Variants in CDK17 observed in about 807,000 individuals in gnomAD.
CDK17 encodes cyclin dependent kinase 17.
CDK17 carries 24 observed loss-of-function variants against 77.6 expected under a neutral mutation model. The ratio of observed to expected loss-of-function variants is 0.31; its 90% CI spans 0.22 to 0.44. CDK17 has a LOEUF of 0.44. CDK17 is among the 20% of genes least tolerant of loss of function. The probability of loss-of-function intolerance (pLI) is 1.00; values close to 1 mark genes in which losing one functional copy is unlikely to be tolerated. For missense variants in CDK17, 429 were observed against 622.5 expected (o/e 0.69, Z 3.31); for synonymous variants, 203 against 210.4 (o/e 0.96, Z 0.30).
intron 1 of CDK17, among the ~76,000 whole-genome samples, chr12:96,343,131 G>T (rs998095487): frequency 6.6e-6 from 1 of 152,182 alleles, no homozygotes; most frequent in Non-Finnish European, 1.5e-5. Context: ...GACACTTGAG[G>T]TGTAAAATGT....
intron 13 of CDK17, 135 bp from the exon 14 acceptor site, chr12:96,283,780 A>G: frequency 1.7e-6 from 1 of 572,416 alleles, no homozygotes; most frequent in Non-Finnish European, 3.0e-6. Context: ...GTCTTCAAAT[A>G]GACACAAATC....
chr12:96,351,763 T>G (rs1953316391), intron 1 of CDK17, among the ~76,000 whole-genome samples: 1 of 152,216 alleles, frequency 6.6e-6, no homozygotes, highest in Non-Finnish European at 1.5e-5. Flanking sequence ...ATGGTCAATA[T>G]TTCATTTGAG....
In CDK17 at chr12:96,300,280, T is replaced by C. The variant is rs1318000262; in HGVS notation, c.600+24A>G. 2.7e-6 allele frequency: 4 copies of C among 1,502,350 alleles called. No homozygotes were observed. In the Admixed American group the frequency reaches 5.7e-5, roughly 21 times the overall value. 93.1% of individuals were successfully genotyped at this position (1,502,350 alleles called of 1,614,324 possible). A position where few individuals can be genotyped will look rare whatever the true frequency, so the allele number is the denominator to read the frequency against. ...TGACGAATAAGAAAAAAATGTGTCTTACATTTTTGAGATATTTACTTACCT... is the reference window on the plus strand; with the variant it reads ...TGACGAATAAGAAAAAAATGTGTCTCACATTTTTGAGATATTTACTTACCT... On this transcript the variant is annotated intron_variant, in intron 6 of 16. Coordinates refer to ENST00000261211, the MANE Select transcript of CDK17 (RefSeq NM_002595.5).
At chr12:96,331,854 G>A (rs1182081581) in intron 2 of CDK17, among the ~76,000 whole-genome samples, 1 of 152,130 alleles carries the variant, frequency 6.6e-6, no homozygotes, top group Non-Finnish European at 1.5e-5. Flanking sequence ...TCATGCCTGT[G>A]ACTAATCAAG....
rs1377951442 is a variant in CDK17 at position 96,296,290 on chromosome 12, C to CA, written c.873+979dup. On this transcript the variant is annotated intron_variant, in intron 9 of 16. Coordinates refer to ENST00000261211, the MANE Select transcript of CDK17 (RefSeq NM_002595.5). ...AAAGCAGGAAAAACAAAATTAAAAC[C>CA]AAAAAAATACAAAATGACAGTTATA... is the stretch of plus-strand genomic sequence containing the variant. Among the ~76,000 whole-genome samples the CA allele has an allele frequency of 2.6e-5, 4 of 151,506 alleles. No homozygotes were observed. In the East Asian group the frequency reaches 5.8e-4, roughly 22 times the overall value.
At chr12:96,283,127 A>C (rs918953335) in intron 14 of CDK17, among the ~76,000 whole-genome samples, 1 of 152,150 alleles carries the variant, frequency 6.6e-6, no homozygotes, top group Non-Finnish European at 1.5e-5. Flanking sequence ...TCCTACAATT[A>C]ATGTTCTGGC....
rs1237882008 is a variant in CDK17, at chr12:96,280,814, CT to C, written c.1527del (p.Glu510ArgfsTer36). 1 of 1,613,812 alleles carries C rather than the reference CT, an allele frequency of 6.2e-7. No individual in the cohort carries two copies. Among genetic ancestry groups the C allele is most frequent in the Non-Finnish European group, 8.5e-7 (1 of 1,179,952 alleles). On this transcript the variant is annotated frameshift_variant, in exon 16 of 17. Transcript: ENST00000261211. LOFTEE classifies it high-confidence loss of function. ...KDPGFRNSSY[P>X]ETGHGKNRRQ... Reference sequence around the variant, plus strand: ...TGGTTTATGACAAACACACCTGTCTCTGGATAAGAAGAATTTCGAAAACCCG... The same window carrying C: ...TGGTTTATGACAAACACACCTGTCTCGGATAAGAAGAATTTCGAAAACCCG...
intron 1 of CDK17, among the ~76,000 whole-genome samples, chr12:96,364,760 A>C (rs541067646): frequency 2.0e-5 from 3 of 152,314 alleles, no homozygotes; most frequent in East Asian, 1.9e-4. Flanking sequence ...ATTTTTCTCT[A>C]TGTTTCACAA....
chr12:96,396,713 T>A (rs1391508353), intron 1 of CDK17, among the ~76,000 whole-genome samples: 1 of 152,130 alleles, frequency 6.6e-6, no homozygotes, highest in African/African-American at 2.4e-5. Flanking sequence ...CTAGAGAATA[T>A]AATTTTTACA....
chr12:96,378,676 T>C (rs568195645), intron 1 of CDK17, among the ~76,000 whole-genome samples: 1 of 152,388 alleles, frequency 6.6e-6, no homozygotes, highest in South Asian at 2.1e-4. Context: ...TGTATATTGT[T>C]ATTCATTTGG....
intron 7 of CDK17, among the ~76,000 whole-genome samples, chr12:96,298,636 C>T (rs991186135): frequency 2.6e-5 from 4 of 152,088 alleles, no homozygotes; most frequent in Non-Finnish European, 5.9e-5. Context: ...TAACATTTCC[C>T]TATGACAAAT....
intron 1 of CDK17, among the ~76,000 whole-genome samples, chr12:96,395,932 G>A (rs1013317748): frequency 3.3e-5 from 5 of 152,264 alleles, no homozygotes; most frequent in East Asian, 1.9e-4. Flanking sequence ...GAGAAAATAC[G>A]TCTGTGTTTT....
chr12:96,293,281 C>G (rs1952351915), intron 10 of CDK17, among the ~76,000 whole-genome samples: 1 of 152,078 alleles, frequency 6.6e-6, no homozygotes, highest in Admixed American at 6.5e-5. Context: ...TCAAGTGATC[C>G]TCTCACCTCA....
chr12:96,390,705 T>C (rs1429079322), intron 1 of CDK17, among the ~76,000 whole-genome samples: 1 of 91,628 alleles, frequency 1.1e-5, no homozygotes, highest in Non-Finnish European at 2.0e-5. Flanking sequence ...TGAGACTCCA[T>C]CTCAAAAAAA....
rs184746742 is a variant in CDK17 at position 96,312,800 on chromosome 12, A to C, written c.417+521T>G. On this transcript the variant is annotated intron_variant, in intron 4 of 16. Coordinates refer to ENST00000261211, the MANE Select transcript of CDK17 (RefSeq NM_002595.5). ...AATTCTTCATCCTTTTACACGGAGAAATAAATGTGCTTCAGAGATCAGTAG... is the reference window on the plus strand; with the variant it reads ...AATTCTTCATCCTTTTACACGGAGACATAAATGTGCTTCAGAGATCAGTAG... 2.4e-3 allele frequency among the ~76,000 whole-genome samples: 365 copies of C among 152,318 alleles called. 1 individual carries two copies. Among genetic ancestry groups the C allele is most frequent in the African/African-American group, 8.2e-3 (340 of 41,578 alleles).
At chr12:96,373,499 C>T (rs1424033067) in intron 1 of CDK17, among the ~76,000 whole-genome samples, 2 of 152,014 alleles carry the variant, frequency 1.3e-5, no homozygotes, top group Non-Finnish European at 2.9e-5. Flanking sequence ...GAGGCTGAGG[C>T]AGGGGAATCA....
intron 2 of CDK17, among the ~76,000 whole-genome samples, chr12:96,331,411 G>T (rs1412039161): frequency 6.6e-6 from 1 of 151,916 alleles, no homozygotes; most frequent in South Asian, 2.1e-4. Context: ...TTAGGGAAAG[G>T]TGTATTGAGT....
chr12:96,286,014 C>T, intron 13 of CDK17, 29 bp downstream of exon 13: 1 of 1,070,798 alleles, frequency 9.3e-7, no homozygotes, highest in Non-Finnish European at 1.4e-6. Context: ...CATGTGTTTT[C>T]CCCCCTTTCA....
At chr12:96,347,124 C>G (rs149228175) in intron 1 of CDK17, among the ~76,000 whole-genome samples, 1 of 152,052 alleles carries the variant, frequency 6.6e-6, no homozygotes. Context: ...CAATTATAAA[C>G]GTTTACACAC....
Sources: allele counts gnomAD v4.1 joint callset (sites outside exome capture counted in the v4.1 genomes callset), GRCh38; gene constraint gnomAD v4.1.1; transcripts MANE v1.5; gene names NCBI Gene and HGNC (gene_info 2026-07-23, HGNC 2026-07-21).